Variants in LOXHD1 observed in about 807,000 individuals in gnomAD.
LOXHD1 encodes the protein lipoxygenase homology domain-containing protein 1.
Under a neutral mutation model 248.2 loss-of-function variants are expected in LOXHD1, and 205 were observed. The ratio of observed to expected loss-of-function variants is 0.83; its 90% CI spans 0.74 to 0.93. The LOEUF is 0.93. LOXHD1 is among the 40% of genes least tolerant of loss of function. LOXHD1 has a pLI of 0.00. For missense variants in LOXHD1, 2,930 were observed against 2,971.6 expected (o/e 0.99, Z 0.33); for synonymous variants, 1,113 against 1,162.8 (o/e 0.96, Z 0.87).
At chr18:46,520,153 T>A (rs1452273936) in intron 33 of LOXHD1, 2 of 454,196 alleles carry the variant, frequency 4.4e-6, no homozygotes, top group African/African-American at 4.0e-5. Context: ...CTATAGAAAG[T>A]GCTGCTCTCT....
intron 34 of LOXHD1, among the ~76,000 whole-genome samples, chr18:46,513,250 G>T (rs1404122187): frequency 6.6e-6 from 1 of 152,148 alleles, no homozygotes; most frequent in African/African-American, 2.4e-5. Flanking sequence ...TAGAACCTTT[G>T]ACTGTTCTTC....
In LOXHD1 at chr18:46,639,739, C is replaced by T. The variant is rs1311136777; in HGVS notation, c.388G>A (p.Asp130Asn). 2.6e-6 allele frequency: 4 copies of T among 1,551,698 alleles called. No homozygotes were observed. Among genetic ancestry groups the T allele is most frequent in the Middle Eastern group, 1.7e-4 (1 of 5,992 alleles). ...SWYLDHVIVT[D>N]MKRPHLRYYF... is the part of the protein sequence containing the mutation. ...TAACGGAGATGAGGCCTCTTCATGT[C>T]GGTCACAATCACATGGTCCAGGTAC... The change falls in exon 4 of 41, where the codon GAC becomes AAC. Residue 130 changes from aspartate to asparagine, a missense_variant. Coordinates refer to ENST00000642948, the MANE Select transcript of LOXHD1 (RefSeq NM_001384474.1).
chr18:46,577,699 G>C lies in LOXHD1; in HGVS notation c.1970+8C>G. On this transcript the variant is annotated splice_region_variant and intron_variant, in intron 14 of 40. Coordinates refer to ENST00000642948, the MANE Select transcript of LOXHD1 (RefSeq NM_001384474.1). ...TGGAGAAAACACCAGCAGGCAGGAC[G>C]CATGTACCTGAGACATGGGAACTCC... 1 of 1,549,116 alleles carries C rather than the reference G, an allele frequency of 6.5e-7. No homozygotes were observed. The highest frequency in any genetic ancestry group is 2.4e-5 in the East Asian group (1 of 40,836).
chr18:46,582,835 G>A (rs1052241819), intron 12 of LOXHD1, among the ~76,000 whole-genome samples: 1 of 152,156 alleles, frequency 6.6e-6, no homozygotes, highest in African/African-American at 2.4e-5. Flanking sequence ...GGGACAGCAG[G>A]GAGATTAGGA....
chr18:46,527,539 G>A (rs1299075322), intron 29 of LOXHD1, among the ~76,000 whole-genome samples: 1 of 152,358 alleles, frequency 6.6e-6, no homozygotes, highest in East Asian at 1.9e-4. Flanking sequence ...ACTTGTCTAA[G>A]ATCACACAGC....
At chr18:46,576,506 T>C (rs2037858072) in intron 14 of LOXHD1, among the ~76,000 whole-genome samples, 1 of 152,090 alleles carries the variant, frequency 6.6e-6, no homozygotes, top group Non-Finnish European at 1.5e-5. Flanking sequence ...CCACCCTCCC[T>C]TTTCCTCTCC....
chr18:46,583,506 C>A (rs2038001161), intron 12 of LOXHD1, among the ~76,000 whole-genome samples: 1 of 151,822 alleles, frequency 6.6e-6, no homozygotes, highest in Non-Finnish European at 1.5e-5. Context: ...ACTAATAACT[C>A]GATTAAGAAA....
chr18:46,598,761 T>A (rs776295628), intron 8 of LOXHD1, among the ~76,000 whole-genome samples: 5 of 152,142 alleles, frequency 3.3e-5, no homozygotes, highest in African/African-American at 4.8e-5. Flanking sequence ...GCAATTTCTT[T>A]ATCACAAAAT....
At chr18:46,554,674 G>A (rs2037246675) in intron 21 of LOXHD1, among the ~76,000 whole-genome samples, 1 of 151,964 alleles carries the variant, frequency 6.6e-6, no homozygotes, top group South Asian at 2.1e-4. Flanking sequence ...ATGAGGGAAG[G>A]GGAGAGTGGA....
At chr18:46,577,038 C>T (rs2037871255) in intron 14 of LOXHD1, among the ~76,000 whole-genome samples, 1 of 152,178 alleles carries the variant, frequency 6.6e-6, no homozygotes, top group Admixed American at 6.5e-5. Context: ...CAGAACTCAG[C>T]CTTGGAACTG....
At chr18:46,630,161 G>A (rs915812912) in intron 4 of LOXHD1, among the ~76,000 whole-genome samples, 10 of 152,208 alleles carry the variant, frequency 6.6e-5, no homozygotes, top group Non-Finnish European at 1.5e-4. Context: ...GCCAGTGCCT[G>A]AGTCTGAAAC....
chr18:46,580,215 T>A (rs1465682363), intron 12 of LOXHD1, among the ~76,000 whole-genome samples: 1 of 152,248 alleles, frequency 6.6e-6, no homozygotes, highest in Non-Finnish European at 1.5e-5. Flanking sequence ...TGGCCAGTGC[T>A]TGGGGACCAC....
intron 6 of LOXHD1, among the ~76,000 whole-genome samples, chr18:46,609,998 T>C (rs1599047426): frequency 2.0e-5 from 3 of 152,360 alleles, no homozygotes; most frequent in East Asian, 1.9e-4. Context: ...TAGGTGAAAC[T>C]ATAACACTTG....
intron 34 of LOXHD1, among the ~76,000 whole-genome samples, chr18:46,511,367 G>A (rs992978114): frequency 1.3e-5 from 2 of 152,202 alleles, no homozygotes; most frequent in East Asian, 3.9e-4. Flanking sequence ...CTGGTTCACA[G>A]GGACAGGGCT....
chr18:46,623,860 G>C (rs1409896973), intron 4 of LOXHD1, among the ~76,000 whole-genome samples: 1 of 152,374 alleles, frequency 6.6e-6, no homozygotes, highest in Admixed American at 6.5e-5. Flanking sequence ...AGAGCCATGA[G>C]GGGGCCGGGC....
intron 12 of LOXHD1, among the ~76,000 whole-genome samples, chr18:46,581,587 G>A (rs2037963638): frequency 6.6e-6 from 1 of 152,160 alleles, no homozygotes; most frequent in South Asian, 2.1e-4. Flanking sequence ...GGGATCAAAT[G>A]AAATACCCTA....
rs1431541531 is a variant in LOXHD1 at position 46,477,392 on chromosome 18, G to A, written c.*80C>T. On this transcript the variant is annotated 3_prime_UTR_variant, in exon 41 of 41. Coordinates refer to ENST00000642948, the MANE Select transcript of LOXHD1 (RefSeq NM_001384474.1). ...CCCCAGTGCCAATGCTAGAGGCTTT[G>A]AAGGGCTGCTGACCGCCAAGGTGGA... 6.6e-7 allele frequency: 1 copy of A among 1,522,560 alleles called. No homozygotes were observed. Among genetic ancestry groups the A allele is most frequent in the African/African-American group, 1.4e-5 (1 of 72,506 alleles). 94.3% of individuals were successfully genotyped at this position (1,522,560 alleles called of 1,614,324 possible). A position where few individuals can be genotyped will look rare whatever the true frequency, so the allele number is the denominator to read the frequency against.
intron 26 of LOXHD1, among the ~76,000 whole-genome samples, chr18:46,534,743 T>C (rs765866400): frequency 5.3e-5 from 8 of 152,182 alleles, no homozygotes; most frequent in Non-Finnish European, 1.0e-4. Flanking sequence ...CTGCCACTGC[T>C]CACTGTTGTA....
chr18:46,483,979 A>G (rs76622403), intron 39 of LOXHD1, among the ~76,000 whole-genome samples: 1 of 152,088 alleles, frequency 6.6e-6, no homozygotes, highest in Non-Finnish European at 1.5e-5. Context: ...GAATGGTGAC[A>G]TCGTTATGCA....
Sources: gnomAD v4.1 joint callset for allele counts (sites outside exome capture counted in the v4.1 genomes callset) on GRCh38, gnomAD v4.1.1 for gene constraint, MANE v1.5 for transcripts, NCBI Gene and HGNC (gene_info 2026-07-23, HGNC 2026-07-21) for gene names.